The following MALT1 variants were observed in gnomAD, a reference collection of about 807,000 sequenced individuals.
MALT1 encodes the protein MALT1 paracaspase, also known as mucosa-associated lymphoid tissue lymphoma translocation protein 1.
A neutral mutation model predicts 85.5 loss-of-function variants in MALT1; 36 were observed. The ratio of observed to expected loss-of-function variants is 0.42; its 90% CI spans 0.32 to 0.56. MALT1 has a LOEUF of 0.56. Ranked by LOEUF, MALT1 falls within the 20% of genes least tolerant of loss-of-function variation. MALT1 has a pLI of 0.10. For synonymous variants in MALT1, 359 were observed against 361.3 expected, an observed-to-expected ratio of 0.99 and a Z score of 0.07; for missense variants, 716 against 981.6, an observed-to-expected ratio of 0.73 and a Z score of 3.62.
chr18:58,732,949 C>T (rs747309234), intron 10 of MALT1, among the ~76,000 whole-genome samples: 7 of 151,342 alleles, frequency 4.6e-5, no homozygotes, highest in Non-Finnish European at 4.4e-5. Flanking sequence ...TTTGCTCTGT[C>T]GCCCAGGGTG....
At chr18:58,728,265 A>G (rs1048384681) in intron 10 of MALT1, among the ~76,000 whole-genome samples, 3 of 152,204 alleles carry the variant, frequency 2.0e-5, no homozygotes, top group African/African-American at 4.8e-5. Context: ...TGGGATGGTT[A>G]ACTAAATAAA....
At chr18:58,675,353 C>T (rs1253596686) in intron 1 of MALT1, 1 of 152,228 alleles carries the variant, frequency 6.6e-6, no homozygotes, top group Non-Finnish European at 1.5e-5. Flanking sequence ...TGCAGAAATC[C>T]TGCTTTCATG....
chr18:58,718,293 A>C (rs1272621648), intron 9 of MALT1, among the ~76,000 whole-genome samples: 1 of 152,214 alleles, frequency 6.6e-6, no homozygotes, highest in Non-Finnish European at 1.5e-5. Context: ...GTCAACTTCT[A>C]TCATTGAAGT....
In MALT1 at chr18:58,728,890, C is replaced by T. The variant is rs367749148; in HGVS notation, c.1223-4507C>T. The stretch of plus-strand genomic sequence containing the variant: ...CTTCCCTCAGAGTTGTATCTTCACC[C>T]CAATCAAGTCTTGCTGGAGCCAGAC... On this transcript the variant is annotated intron_variant, in intron 10 of 16. Coordinates refer to ENST00000649217, the MANE Select transcript of MALT1 (RefSeq NM_006785.4). 3.3e-5 allele frequency among the ~76,000 whole-genome samples: 5 copies of T among 152,236 alleles called. No homozygotes were observed. The South Asian group carries it at 1.0e-3, about 32-fold the overall frequency.
chr18:58,676,966 A>G (rs1568120139), intron 1 of MALT1, among the ~76,000 whole-genome samples: 2 of 152,170 alleles, frequency 1.3e-5, no homozygotes, highest in Non-Finnish European at 2.9e-5. Context: ...TTGATTATAT[A>G]TTTTTTTAAA....
At chr18:58,711,020 G>A (rs1213476271) in intron 7 of MALT1, 67 bp downstream of exon 7, 15 of 1,146,884 alleles carry the variant, frequency 1.3e-5, no homozygotes, top group Non-Finnish European at 1.6e-5. Context: ...TTGGTGGAGT[G>A]CTTTTAGCCT....
Position 58,671,849 on chromosome 18 carries a change from TC to T in MALT1, c.207del (p.Ser70ValfsTer3). ...GCGGGGAGTCGCGGGCGCCTCCGCC[TC>T]AGGTGAGCTCAGGGCCGCGGCAGGC... is the stretch of plus-strand genomic sequence containing the variant. ...ELAGSRGRLR[L>X]SCLDLEQCSL... On this transcript the variant is annotated frameshift_variant and splice_region_variant, in exon 1 of 17. Coordinates refer to ENST00000649217, the MANE Select transcript of MALT1 (RefSeq NM_006785.4). LOFTEE classifies it high-confidence loss of function. 1 of 1,223,964 alleles carries T rather than the reference TC, an allele frequency of 8.2e-7. No individual in the cohort carries two copies. Among genetic ancestry groups the T allele is most frequent in the Non-Finnish European group, 1.0e-6 (1 of 983,250 alleles). The allele number at this position is 1,223,964 out of a possible 1,614,324, so 75.8% of individuals were successfully genotyped here.
chr18:58,722,988 A>G, intron 9 of MALT1, 60 bp from the exon 10 acceptor site: 1 of 1,152,722 alleles, frequency 8.7e-7, no homozygotes, highest in Non-Finnish European at 1.3e-6. Flanking sequence ...TACCATCTCC[A>G]TAGGTTTTGT....
At chr18:58,701,151 ATG>A (rs2054666760) in intron 4 of MALT1, among the ~76,000 whole-genome samples, 1 of 132,328 alleles carries the variant, frequency 7.6e-6, no homozygotes, top group Non-Finnish European at 1.8e-5. Flanking sequence ...ACACACATAT[ATG>A]TGTGTGTGCA....
chr18:58,702,681 A>G (rs531048871), intron 4 of MALT1, among the ~76,000 whole-genome samples: 1 of 152,200 alleles, frequency 6.6e-6, no homozygotes, highest in Non-Finnish European at 1.5e-5. Context: ...TTTTTCTCCC[A>G]AACTATTGTA....
intron 10 of MALT1, among the ~76,000 whole-genome samples, chr18:58,727,156 A>G (rs950587141): frequency 6.6e-6 from 1 of 152,212 alleles, no homozygotes; most frequent in African/African-American, 2.4e-5. Flanking sequence ...AAGACATTCA[A>G]GCACTTTTTC....
intron 10 of MALT1, among the ~76,000 whole-genome samples, chr18:58,732,900 G>C (rs532326857): frequency 6.6e-6 from 1 of 150,910 alleles, no homozygotes; most frequent in South Asian, 2.1e-4. Flanking sequence ...GCAGACTGTT[G>C]GTAATTTATT....
At position 58,751,515 on chromosome 18, in the gene MALT1, A is replaced by G. The variant is rs948272652; in HGVS notation, c.*3673A>G. On this transcript the variant is annotated 3_prime_UTR_variant, in exon 17 of 17. Transcript: ENST00000649217. ...AACAGGAGAATCGCATGAATTTTTT[A>G]AAAAATCTAAACATGTAATTTTAAA... The G allele has an allele frequency of 6.6e-6, 1 of 152,158 alleles. No homozygotes were observed. Among genetic ancestry groups the G allele is most frequent in the Non-Finnish European group, 1.5e-5 (1 of 68,034 alleles). The allele number at this position is 152,158 out of a possible 1,614,324, so 9.4% of individuals were successfully genotyped here. A position where few individuals can be genotyped will look rare whatever the true frequency, so the allele number is the denominator to read the frequency against.
chr18:58,720,970 T>A (rs2054974046), intron 9 of MALT1, among the ~76,000 whole-genome samples: 1 of 152,196 alleles, frequency 6.6e-6, no homozygotes. Context: ...TCTGTTGAGG[T>A]TGGATCCTTA....
rs982562415 is a variant in MALT1, at chr18:58,681,475, T to G, written c.376+139T>G. On this transcript the variant is annotated intron_variant, in intron 2 of 16. Coordinates refer to ENST00000649217, the MANE Select transcript of MALT1 (RefSeq NM_006785.4). ...TAGTGCCTTGTTTGCTTTCCCAGGT[T>G]GAAGCAAATGCAATGCATGAATATT... 152 of 709,498 alleles carry G rather than the reference T, an allele frequency of 2.1e-4. 1 individual carries two copies. Among genetic ancestry groups the G allele is most frequent in the Non-Finnish European group, 5.0e-5 (23 of 458,462 alleles). 44.0% of individuals were successfully genotyped at this position (709,498 alleles called of 1,614,324 possible).
chr18:58,671,778 G>C lies in MALT1; in HGVS notation c.135G>C (p.Leu45=). ...TGCTGCGGAGGCTCAGCGAGCTCCTGGATCAGGCGCCCGAGGGCCGGGGCT... is the reference window on the plus strand; with the variant it reads ...TGCTGCGGAGGCTCAGCGAGCTCCTCGATCAGGCGCCCGAGGGCCGGGGCT... The part of the protein sequence containing the change: ...EPLLRRLSEL[L]DQAPEGRGWR... The change falls in exon 1 of 17, where the codon CTG becomes CTC. Residue 45 remains leucine, a synonymous_variant. Coordinates refer to ENST00000649217, the MANE Select transcript of MALT1 (RefSeq NM_006785.4). The C allele has an allele frequency of 8.0e-7, 1 of 1,255,380 alleles. No individual in the cohort carries two copies. The highest frequency in any genetic ancestry group is 1.0e-6 in the Non-Finnish European group (1 of 1,001,306). 77.8% of individuals were successfully genotyped at this position (1,255,380 alleles called of 1,614,324 possible).
intron 4 of MALT1, among the ~76,000 whole-genome samples, chr18:58,706,055 G>A (rs529493155): frequency 7.2e-5 from 11 of 152,220 alleles, no homozygotes; most frequent in Admixed American, 1.3e-4. Flanking sequence ...GCACGATCTC[G>A]GCTCACTGCA....
At chr18:58,688,049 G>A (rs561222786) in intron 2 of MALT1, among the ~76,000 whole-genome samples, 15 of 152,238 alleles carry the variant, frequency 9.9e-5, no homozygotes, top group South Asian at 4.1e-4. Context: ...TACAGCCTAC[G>A]TAGCACTATA....
chr18:58,726,413 G>A (rs1245916880), intron 10 of MALT1, among the ~76,000 whole-genome samples: 3 of 152,218 alleles, frequency 2.0e-5, no homozygotes, highest in East Asian at 1.9e-4. Context: ...TGCCTTTACC[G>A]CTAGTTGATA....
Sources: gnomAD v4.1 joint callset for allele counts (sites outside exome capture counted in the v4.1 genomes callset) on GRCh38, gnomAD v4.1.1 for gene constraint, MANE v1.5 for transcripts, NCBI Gene and HGNC (gene_info 2026-07-23, HGNC 2026-07-21) for gene names.